HAT1: variants seen among roughly 807,000 people sequenced by gnomAD.
HAT1 encodes the protein histone acetyltransferase 1.
A neutral mutation model predicts 56.6 loss-of-function variants in HAT1; 20 were observed. The ratio of observed to expected loss-of-function variants is 0.35; its 90% CI spans 0.25 to 0.51. The LOEUF (loss-of-function observed/expected upper bound fraction) is 0.51, where lower values mean the gene tolerates loss of function less well. HAT1 is among the 20% of genes least tolerant of loss of function. The probability of loss-of-function intolerance (pLI) is 0.95; values close to 1 mark genes in which losing one functional copy is unlikely to be tolerated. For synonymous variants in HAT1, 146 were observed against 165.5 expected, an observed-to-expected ratio of 0.88 and a Z score of 0.91; for missense variants, 408 against 504.3, an observed-to-expected ratio of 0.81 and a Z score of 1.83.
chr2:171,926,260 C>T (rs1201759459), intron 2 of HAT1, among the ~76,000 whole-genome samples: 1 of 152,062 alleles, frequency 6.6e-6, no homozygotes, highest in Admixed American at 6.6e-5. Context: ...TAGGAGACCA[C>T]AGGTGTGCAC....
intron 10 of HAT1, among the ~76,000 whole-genome samples, chr2:171,981,902 T>G (rs1406730650): frequency 6.6e-6 from 1 of 152,192 alleles, no homozygotes; most frequent in East Asian, 1.9e-4. Context: ...AGAAAATGTC[T>G]TAATGATGAA....
intron 8 of HAT1, among the ~76,000 whole-genome samples, chr2:171,972,058 C>T (rs1337681649): frequency 6.6e-6 from 1 of 152,164 alleles, no homozygotes; most frequent in Non-Finnish European, 1.5e-5. Flanking sequence ...GCACAACCAC[C>T]CCCTACTGTG....
intron 2 of HAT1, among the ~76,000 whole-genome samples, chr2:171,945,865 T>A (rs1415325539): frequency 6.6e-6 from 1 of 152,134 alleles, no homozygotes; most frequent in East Asian, 1.9e-4. Flanking sequence ...AGATGGGGTT[T>A]CACCATGTTG....
intron 2 of HAT1, among the ~76,000 whole-genome samples, chr2:171,930,992 A>G (rs972656477): frequency 1.3e-5 from 2 of 152,042 alleles, no homozygotes; most frequent in African/African-American, 4.8e-5. Flanking sequence ...AGAAAGTCAC[A>G]GTTTTTCTTT....
chr2:171,934,273 A>G (rs1036062814), intron 2 of HAT1, among the ~76,000 whole-genome samples: 3 of 152,214 alleles, frequency 2.0e-5, no homozygotes, highest in African/African-American at 7.2e-5. Flanking sequence ...GAAGGGGGAA[A>G]TAATACAGGA....
At chr2:171,972,764 A>G (rs145976920) in intron 8 of HAT1, among the ~76,000 whole-genome samples, 1 of 152,286 alleles carries the variant, frequency 6.6e-6, no homozygotes, top group East Asian at 1.9e-4. Context: ...GAGTGACTGC[A>G]TTCACTTTCC....
chr2:171,964,198 C>T (rs1687635742), intron 4 of HAT1, among the ~76,000 whole-genome samples: 1 of 152,106 alleles, frequency 6.6e-6, no homozygotes, highest in Non-Finnish European at 1.5e-5. Context: ...GTATTTTGTC[C>T]TAAGCATCTT....
intron 4 of HAT1, among the ~76,000 whole-genome samples, chr2:171,961,576 ATACT>A (rs34289896): frequency 0.18 from 27,960 of 152,056 alleles, 3,721 homozygotes; most frequent in African/African-American, 0.37. Context: ...AAAATCCTAC[ATACT>A]TCCAGAAATT....
chr2:171,953,142 C>T (rs770409200), intron 4 of HAT1, 141 bp downstream of exon 4: 18 of 458,060 alleles, frequency 3.9e-5, no homozygotes, highest in African/African-American at 2.9e-4. Flanking sequence ...CTTAGGAGTT[C>T]GAGACCAGCC....
intron 2 of HAT1, among the ~76,000 whole-genome samples, chr2:171,935,299 G>C (rs963574767): frequency 1.3e-4 from 18 of 143,794 alleles, no homozygotes; most frequent in African/African-American, 4.6e-4. Flanking sequence ...TGGATCACCC[G>C]AGGTCAGGAG....
chr2:171,928,855 A>G (rs1169849868), intron 2 of HAT1, among the ~76,000 whole-genome samples: 1 of 152,172 alleles, frequency 6.6e-6, no homozygotes, highest in Non-Finnish European at 1.5e-5. Context: ...TGGATACATC[A>G]TTATTCGCCA....
chr2:171,981,360 A>G (rs1397471304), intron 10 of HAT1, among the ~76,000 whole-genome samples: 2 of 152,220 alleles, frequency 1.3e-5, no homozygotes, highest in Admixed American at 6.5e-5. Flanking sequence ...AGTTGATTCT[A>G]CATTACAATT....
chr2:171,927,094 A>T (rs999519522), intron 2 of HAT1, among the ~76,000 whole-genome samples: 3 of 152,248 alleles, frequency 2.0e-5, no homozygotes, highest in African/African-American at 7.2e-5. Flanking sequence ...GAAAAGACAC[A>T]TCCATAGAGA....
intron 3 of HAT1, among the ~76,000 whole-genome samples, chr2:171,949,749 C>A (rs1246924946): frequency 6.6e-6 from 1 of 151,866 alleles, no homozygotes; most frequent in African/African-American, 2.4e-5. Context: ...AACTCCTGGG[C>A]TCAAGTGATC....
Position 171,976,139 on chromosome 2 carries a change from T to A in HAT1, c.824-18T>A, listed in dbSNP as rs1687960388. 1 of 1,484,496 alleles carries A rather than the reference T, an allele frequency of 6.7e-7. No homozygotes were observed. The highest frequency in any genetic ancestry group is 1.4e-5 in the African/African-American group (1 of 71,302). 92.0% of individuals were successfully genotyped at this position (1,484,496 alleles called of 1,614,324 possible). A position where few individuals can be genotyped will look rare whatever the true frequency, so the allele number is the denominator to read the frequency against. The stretch of plus-strand genomic sequence containing the variant: ...AGTATCAGGGAAATGTTAATATTAT[T>A]CTGCTTTATTTATTTAGCGGAAGAT... On this transcript the variant is annotated intron_variant, in intron 8 of 10. Transcript: ENST00000264108.
In HAT1 at chr2:171,930,475, A is replaced by G. The variant is rs539325517; in HGVS notation, c.112+4834A>G. Among the ~76,000 whole-genome samples the G allele has an allele frequency of 2.0e-5, 3 of 152,310 alleles. No homozygotes were observed. The East Asian group carries it at 5.8e-4, about 29-fold the overall frequency. ...AGCCACTGTGCCTGACCTAAAAATG[A>G]TATACTTTAAACATTTTCTCTTCCA... On this transcript the variant is annotated intron_variant, in intron 2 of 10. Transcript: ENST00000264108.
chr2:171,932,861 G>C (rs1686780348), intron 2 of HAT1, among the ~76,000 whole-genome samples: 1 of 151,836 alleles, frequency 6.6e-6, no homozygotes, highest in African/African-American at 2.4e-5. Context: ...AGAGCCAGAC[G>C]CTGTCTCAAA....
intron 2 of HAT1, among the ~76,000 whole-genome samples, chr2:171,942,718 T>C (rs1687047310): frequency 6.6e-6 from 1 of 152,192 alleles, no homozygotes; most frequent in Non-Finnish European, 1.5e-5. Flanking sequence ...GACATATATA[T>C]GTCACACTGG....
At chr2:171,927,148 T>C (rs1163982648) in intron 2 of HAT1, among the ~76,000 whole-genome samples, 1 of 152,216 alleles carries the variant, frequency 6.6e-6, no homozygotes, top group Non-Finnish European at 1.5e-5. Context: ...TAACTACAAA[T>C]GGGCCTGACA....
Sources: gnomAD v4.1 joint callset for allele counts (sites outside exome capture counted in the v4.1 genomes callset) on GRCh38, gnomAD v4.1.1 for gene constraint, MANE v1.5 for transcripts, NCBI Gene and HGNC (gene_info 2026-07-23, HGNC 2026-07-21) for gene names.